The following SLIT3 variants were observed in gnomAD, a reference collection of about 807,000 sequenced individuals.
SLIT3 encodes the protein slit homolog 3 protein.
Under a neutral mutation model 184.0 loss-of-function variants are expected in SLIT3, and 68 were observed. The observed-to-expected ratio is 0.37, with a 90% CI of 0.30 to 0.45. The LOEUF (loss-of-function observed/expected upper bound fraction) is 0.45, where lower values mean the gene tolerates loss of function less well. SLIT3 is among the 20% of genes least tolerant of loss of function. The probability of loss-of-function intolerance (pLI) is 1.00; values close to 1 mark genes in which losing one functional copy is unlikely to be tolerated. For missense variants in SLIT3, 1,707 were observed against 2,026.0 expected (o/e 0.84, Z 3.02); for synonymous variants, 831 against 828.6 (o/e 1.00, Z -0.05).
At chr5:169,122,566 C>T (rs538095705) in intron 4 of SLIT3, among the ~76,000 whole-genome samples, 1 of 152,274 alleles carries the variant, frequency 6.6e-6, no homozygotes, top group East Asian at 1.9e-4. Context: ...ATATCAGTTT[C>T]CCCCCACACA....
chr5:169,097,790 A>T (rs1759844862), intron 4 of SLIT3, among the ~76,000 whole-genome samples: 1 of 152,168 alleles, frequency 6.6e-6, no homozygotes. Flanking sequence ...AAGGTCCCAG[A>T]TGCTGCTTCT....
At chr5:168,886,718 A>C (rs1055483339) in intron 4 of SLIT3, among the ~76,000 whole-genome samples, 4 of 152,208 alleles carry the variant, frequency 2.6e-5, no homozygotes, top group Non-Finnish European at 5.9e-5. Context: ...AAGTAAAGGA[A>C]GATGGCTGGT....
At chr5:169,239,080 T>C (rs1322520532) in intron 3 of SLIT3, among the ~76,000 whole-genome samples, 1 of 152,174 alleles carries the variant, frequency 6.6e-6, no homozygotes, top group African/African-American at 2.4e-5. Context: ...AATAATTTTA[T>C]TGTAGATGTT....
chr5:168,747,941 T>G (rs1279833940), intron 20 of SLIT3, among the ~76,000 whole-genome samples: 2 of 152,054 alleles, frequency 1.3e-5, no homozygotes, highest in African/African-American at 4.8e-5. Flanking sequence ...GGGATCAGAC[T>G]GAGAGACTGC....
chr5:168,895,214 A>G (rs1256153848), intron 4 of SLIT3, among the ~76,000 whole-genome samples: 2 of 152,094 alleles, frequency 1.3e-5, no homozygotes, highest in Admixed American at 1.3e-4. Context: ...CTCCGGATCT[A>G]CCTAACCCTA....
chr5:169,128,244 A>G (rs2113306179), intron 4 of SLIT3, among the ~76,000 whole-genome samples: 1 of 147,812 alleles, frequency 6.8e-6, no homozygotes, highest in South Asian at 2.1e-4. Flanking sequence ...ATACACACAC[A>G]CACATTTATA....
chr5:169,008,607 C>T lies in SLIT3; in HGVS notation c.414-125271G>A, dbSNP rs180798792. ...CCCTTGTGAGTCTGGATGAGCCACA[C>T]GGTCTCTCTGTGTCTCACCATCTGT... On this transcript the variant is annotated intron_variant, in intron 4 of 35. Coordinates refer to ENST00000519560, the MANE Select transcript of SLIT3 (RefSeq NM_003062.4). 1.3e-3 allele frequency among the ~76,000 whole-genome samples: 193 copies of T among 152,270 alleles called. 1 individual carries two copies. Among genetic ancestry groups the T allele is most frequent in the Non-Finnish European group, 2.0e-3 (134 of 68,018 alleles).
intron 1 of SLIT3, among the ~76,000 whole-genome samples, chr5:169,272,396 T>G (rs929715910): frequency 5.9e-5 from 9 of 152,248 alleles, no homozygotes; most frequent in Admixed American, 5.2e-4. Context: ...GCAGCCCAAT[T>G]CACCCATTTA....
rs1244383863 is a variant in SLIT3, at chr5:168,772,798, T to C, written c.1442A>G (p.Lys481Arg). 3.1e-6 allele frequency: 5 copies of C among 1,614,180 alleles called. No individual in the cohort carries two copies. The highest frequency in any genetic ancestry group is 4.2e-6 in the Non-Finnish European group (5 of 1,180,030). Residue 481 changes from lysine to arginine, a missense_variant, in exon 14 of 36, where the codon AAG becomes AGG. By Grantham distance (26) the Lys-to-Arg change is conservative. Transcript: ENST00000519560. ...CTGATTACCTGAGCAGCGGAACTTC[T>C]TGCTCTTGATCTGGCTGATGCGCTT... Reference protein sequence around the residue: ...ANKRISQIKSKKFRCSGSEDY... With the variant: ...ANKRISQIKSRKFRCSGSEDY...
chr5:169,166,637 C>T (rs541528609), intron 4 of SLIT3, among the ~76,000 whole-genome samples: 3 of 152,270 alleles, frequency 2.0e-5, no homozygotes, highest in African/African-American at 7.2e-5. Flanking sequence ...CTCTTCAACC[C>T]ACCCAGTCCA....
At chr5:169,291,507 C>A (rs1449426617) in intron 1 of SLIT3, among the ~76,000 whole-genome samples, 1 of 152,196 alleles carries the variant, frequency 6.6e-6, no homozygotes, top group African/African-American at 2.4e-5. Context: ...TCATGAATTT[C>A]TGTGACTGTA....
chr5:168,927,213 G>C (rs1271620864), intron 4 of SLIT3, among the ~76,000 whole-genome samples: 2 of 152,178 alleles, frequency 1.3e-5, no homozygotes, highest in Non-Finnish European at 2.9e-5. Flanking sequence ...TTGGACCCAT[G>C]CTAAAACATG....
chr5:169,226,811 T>A (rs546332119), intron 3 of SLIT3, among the ~76,000 whole-genome samples: 13 of 152,168 alleles, frequency 8.5e-5, no homozygotes, highest in African/African-American at 2.7e-4. Flanking sequence ...TAAGATTCAC[T>A]TTCAGTTTTT....
Position 169,009,310 on chromosome 5 carries a change from C to T in SLIT3, c.414-125974G>A, listed in dbSNP as rs117372136. 3.0e-3 allele frequency among the ~76,000 whole-genome samples: 451 copies of T among 152,282 alleles called. 8 individuals are homozygous for T. The highest frequency in any genetic ancestry group is 0.023 in the Admixed American group (353 of 15,306). On this transcript the variant is annotated intron_variant, in intron 4 of 35. Transcript: ENST00000519560. ...CCACATAGCTGTGTCTCTGGGTGAC[C>T]GTAACTTGGGTGAGTCAGCAGACAA...
intron 4 of SLIT3, among the ~76,000 whole-genome samples, chr5:169,038,676 G>C (rs1292030518): frequency 6.6e-6 from 1 of 152,196 alleles, no homozygotes; most frequent in African/African-American, 2.4e-5. Flanking sequence ...GCTCACTGAG[G>C]CTACGCGATT....
chr5:168,755,052 C>T (rs540433293), intron 16 of SLIT3, among the ~76,000 whole-genome samples: 2 of 152,348 alleles, frequency 1.3e-5, no homozygotes, highest in South Asian at 4.1e-4. Context: ...TTGACCACTT[C>T]TTATGTGCTA....
intron 4 of SLIT3, among the ~76,000 whole-genome samples, chr5:169,182,162 T>C (rs1267332637): frequency 1.3e-5 from 2 of 151,890 alleles, no homozygotes; most frequent in Admixed American, 6.6e-5. Flanking sequence ...TCACCATAAG[T>C]AGGGTGAGGA....
intron 3 of SLIT3, among the ~76,000 whole-genome samples, chr5:169,200,511 C>T (rs1763876429): frequency 6.6e-6 from 1 of 152,158 alleles, no homozygotes; most frequent in Non-Finnish European, 1.5e-5. Context: ...ACAATGCTTC[C>T]TGCCAGCTGC....
chr5:168,972,408 G>A (rs1754610381), intron 4 of SLIT3, among the ~76,000 whole-genome samples: 1 of 133,156 alleles, frequency 7.5e-6, no homozygotes, highest in Non-Finnish European at 1.6e-5. Flanking sequence ...AAGAGTCTTA[G>A]GTTTTTGGCT....
Sources: gnomAD v4.1 joint callset for allele counts (sites outside exome capture counted in the v4.1 genomes callset) on GRCh38, gnomAD v4.1.1 for gene constraint, MANE v1.5 for transcripts, NCBI Gene and HGNC (gene_info 2026-07-23, HGNC 2026-07-21) for gene names.